The following CTNND2 variants were observed in gnomAD, a reference collection of about 807,000 sequenced individuals.
CTNND2 encodes the protein catenin delta 2, also known as catenin delta-2.
A neutral mutation model predicts 144.4 loss-of-function variants in CTNND2; 22 were observed. That is an observed-to-expected ratio of 0.15 (90% confidence interval 0.11 to 0.22). CTNND2 has a LOEUF of 0.22. Among genes scored for constraint, CTNND2 ranks in the 10% least tolerant of loss-of-function variants. The probability of loss-of-function intolerance (pLI) is 1.00; values close to 1 mark genes in which losing one functional copy is unlikely to be tolerated. For missense variants in CTNND2, 1,353 were observed against 1,618.8 expected, an observed-to-expected ratio of 0.84 and a Z score of 2.82; for synonymous variants, 751 against 695.6, an observed-to-expected ratio of 1.08 and a Z score of -1.25.
At position 11,460,639 on chromosome 5, in the gene CTNND2, AC is replaced by A. The variant is rs371164111; in HGVS notation, c.288-48571del. On this transcript the variant is annotated intron_variant, in intron 3 of 21. Transcript: ENST00000304623. ...CTAGTCTGGGTGATCTCCTTCCAGT[AC>A]CCCAGGGCCTTTGCGCTTGCCACCC... Among the ~76,000 whole-genome samples the A allele has an allele frequency of 4.1e-3, 621 of 152,054 alleles. 4 individuals carry two copies. Among genetic ancestry groups the A allele is most frequent in the Middle Eastern group, 0.017 (5 of 294 alleles).
chr5:11,807,040 C>T (rs999629872), intron 1 of CTNND2, among the ~76,000 whole-genome samples: 11 of 152,168 alleles, frequency 7.2e-5, no homozygotes, highest in South Asian at 4.1e-4. Flanking sequence ...TAACATTCTG[C>T]GTCCATTTGC....
Position 11,364,750 on chromosome 5 carries a change from T to C in CTNND2, c.1318A>G (p.Ser440Gly). Residue 440 changes from serine (S) to glycine (G), a missense_variant, in exon 8 of 22, where the codon AGC (serine) becomes GGC (glycine). Around this residue, in one of 4 missense-constraint regions of CTNND2, gnomAD observed 708 missense variants for 706.4 expected, o/e 1.00. Coordinates refer to ENST00000304623, the MANE Select transcript of CTNND2 (RefSeq NM_001332.4). Reference sequence around the variant, plus strand: ...GCTGGCGGCAGAGGGTCCCCCTGGCTCTGGCTGAGACTCCTCATAGGGGGC... The same window carrying C: ...GCTGGCGGCAGAGGGTCCCCCTGGCCCTGGCTGAGACTCCTCATAGGGGGC... ...QKPPMRSLSQ[S>G]QGDPLPPAHT... The C allele has an allele frequency of 6.2e-7, 1 of 1,613,900 alleles. No individual in the cohort carries two copies. The highest frequency in any genetic ancestry group is 1.3e-5 in the African/African-American group (1 of 75,022).
chr5:11,285,105 C>T (rs925326259), intron 9 of CTNND2, among the ~76,000 whole-genome samples: 1 of 152,160 alleles, frequency 6.6e-6, no homozygotes, highest in Non-Finnish European at 1.5e-5. Context: ...ATATCTGATT[C>T]CCCTTAATGT....
chr5:10,991,154 G>C (rs1452810081), intron 19 of CTNND2, among the ~76,000 whole-genome samples: 1 of 152,196 alleles, frequency 6.6e-6, no homozygotes, highest in Non-Finnish European at 1.5e-5. Context: ...TACACTAGAA[G>C]GATCAGCTTT....
chr5:11,860,375 G>C (rs1404624665), intron 1 of CTNND2, among the ~76,000 whole-genome samples: 1 of 152,172 alleles, frequency 6.6e-6, no homozygotes, highest in Non-Finnish European at 1.5e-5. Context: ...ATATTTTGTA[G>C]CATTTTAAAA....
At chr5:11,166,393 C>T (rs960563451) in intron 11 of CTNND2, among the ~76,000 whole-genome samples, 7 of 148,392 alleles carry the variant, frequency 4.7e-5, no homozygotes, top group African/African-American at 7.9e-5. Flanking sequence ...GGACTACAGG[C>T]GTGCACCACC....
chr5:11,421,862 A>T (rs191266167), intron 3 of CTNND2, among the ~76,000 whole-genome samples: 2 of 152,282 alleles, frequency 1.3e-5, no homozygotes, highest in East Asian at 3.9e-4. Context: ...TGATCAAGGC[A>T]CTTCTGCCTT....
At chr5:11,505,836 C>T (rs1581363895) in intron 3 of CTNND2, among the ~76,000 whole-genome samples, 1 of 152,256 alleles carries the variant, frequency 6.6e-6, no homozygotes, top group South Asian at 2.1e-4. Flanking sequence ...TCCTCTGTGA[C>T]TGACTTATTT....
intron 12 of CTNND2, among the ~76,000 whole-genome samples, chr5:11,138,621 T>G (rs1756393545): frequency 6.6e-6 from 1 of 152,236 alleles, no homozygotes; most frequent in East Asian, 1.9e-4. Flanking sequence ...GGTCTGTGAT[T>G]GGTGTGAGTT....
intron 1 of CTNND2, among the ~76,000 whole-genome samples, chr5:11,765,755 T>C (rs1248234990): frequency 3.9e-5 from 6 of 152,154 alleles, no homozygotes; most frequent in African/African-American, 1.4e-4. Flanking sequence ...ACAGGCCTTT[T>C]GATAGACATA....
chr5:11,473,669 C>T (rs964767617), intron 3 of CTNND2, among the ~76,000 whole-genome samples: 2 of 152,218 alleles, frequency 1.3e-5, no homozygotes, highest in Non-Finnish European at 2.9e-5. Flanking sequence ...CTAGAGCACA[C>T]TGAGAGAAGG....
At chr5:11,808,631 T>C (rs911256787) in intron 1 of CTNND2, among the ~76,000 whole-genome samples, 2 of 152,178 alleles carry the variant, frequency 1.3e-5, no homozygotes, top group African/African-American at 4.8e-5. Flanking sequence ...CCCATTGCCT[T>C]GGATTCTCCT....
chr5:11,473,449 G>A (rs1581271761), intron 3 of CTNND2, among the ~76,000 whole-genome samples: 1 of 152,098 alleles, frequency 6.6e-6, no homozygotes, highest in East Asian at 1.9e-4. Flanking sequence ...GGCTGAGAAG[G>A]GGATACTGAG....
chr5:11,145,666 T>G (rs1331735230), intron 12 of CTNND2, among the ~76,000 whole-genome samples: 2 of 152,228 alleles, frequency 1.3e-5, no homozygotes, highest in African/African-American at 4.8e-5. Flanking sequence ...CCCACCTCTC[T>G]AATCCTCTCT....
At chr5:11,271,733 C>G (rs1049376853) in intron 9 of CTNND2, among the ~76,000 whole-genome samples, 30 of 152,146 alleles carry the variant, frequency 2.0e-4, no homozygotes, top group Non-Finnish European at 8.8e-5. Context: ...GCAAATTTGG[C>G]TCCAATTACC....
chr5:11,385,023 C>A lies in CTNND2; in HGVS notation c.819G>T (p.Gln273His). Residue 273 changes from glutamine (Q) to histidine (H), a missense_variant, in exon 7 of 22, where the codon CAG becomes CAT. This residue lies in a region of CTNND2 where 708 missense variants were observed against 706.4 expected (regional missense o/e 1.00). Coordinates refer to ENST00000304623, the MANE Select transcript of CTNND2 (RefSeq NM_001332.4). ...PRGGSPLAAPQGGSPTKLQRG... is the reference protein window; with the variant it reads ...PRGGSPLAAPHGGSPTKLQRG... ...GCTGCAGCTTGGTGGGCGAACCGCC[C>A]TGGGGCGCGGCCAGCGGGGAGCCCC... The A allele has an allele frequency of 8.1e-7, 1 of 1,233,464 alleles. No homozygotes were observed. The highest frequency in any genetic ancestry group is 1.0e-6 in the Non-Finnish European group (1 of 993,784). 76.4% of individuals were successfully genotyped at this position (1,233,464 alleles called of 1,614,324 possible). A position where few individuals can be genotyped will look rare whatever the true frequency, so the allele number is the denominator to read the frequency against.
chr5:11,747,594 A>G (rs922467184), intron 1 of CTNND2, among the ~76,000 whole-genome samples: 1 of 152,316 alleles, frequency 6.6e-6, no homozygotes, highest in South Asian at 2.1e-4. Flanking sequence ...ATCTAAGCTT[A>G]TAAGTGAAAT....
At chr5:11,639,175 G>A (rs1213440296) in intron 2 of CTNND2, among the ~76,000 whole-genome samples, 1 of 152,102 alleles carries the variant, frequency 6.6e-6, no homozygotes, top group Non-Finnish European at 1.5e-5. Context: ...TGGGCAGAGG[G>A]CAGAAAGGCT....
At chr5:11,012,003 T>C (rs1316985524) in intron 18 of CTNND2, among the ~76,000 whole-genome samples, 3 of 152,116 alleles carry the variant, frequency 2.0e-5, no homozygotes, top group African/African-American at 4.8e-5. Context: ...ATGATGATGA[T>C]AAAATGAAAT....
Sources: gnomAD v4.1 joint callset for allele counts (sites outside exome capture counted in the v4.1 genomes callset) on GRCh38, gnomAD v4.1.1 for gene constraint, gnomAD v4.1.1 regional missense constraint, MANE v1.5 for transcripts, NCBI Gene and HGNC (gene_info 2026-07-23, HGNC 2026-07-21) for gene names.